EMSY: variants seen among roughly 807,000 people sequenced by gnomAD.
The protein encoded by EMSY is BRCA2-interacting transcriptional repressor EMSY.
EMSY carries 26 observed loss-of-function variants against 134.6 expected under a neutral mutation model. That is an observed-to-expected ratio of 0.19 (90% CI 0.14 to 0.27). The LOEUF (loss-of-function observed/expected upper bound fraction) is 0.27. Ranked by LOEUF, EMSY falls within the 10% of genes least tolerant of loss-of-function variation. EMSY has a pLI of 1.00. For missense variants in EMSY, 1,305 were observed against 1,611.4 expected (o/e 0.81, Z 3.26); for synonymous variants, 579 against 577.8 (o/e 1.00, Z -0.03).
At chr11:76,477,442 C>T (rs188698413) in intron 8 of EMSY, among the ~76,000 whole-genome samples, 47 of 151,884 alleles carry the variant, frequency 3.1e-4, no homozygotes, top group Admixed American at 8.5e-4. Flanking sequence ...CTGTTCTGTC[C>T]TCCCTGATAG....
intron 8 of EMSY, among the ~76,000 whole-genome samples, chr11:76,495,129 G>T (rs895950721): frequency 2.0e-5 from 3 of 152,196 alleles, no homozygotes; most frequent in Non-Finnish European, 4.4e-5. Flanking sequence ...AACAAGTGAG[G>T]ATGCTGAGGT....
intron 11 of EMSY, among the ~76,000 whole-genome samples, chr11:76,518,678 TGC>T (rs1950534994): frequency 7.7e-6 from 1 of 130,676 alleles, no homozygotes; most frequent in Non-Finnish European, 1.6e-5. Flanking sequence ...AGTGTGTGTG[TGC>T]GCGCATATAT....
chr11:76,456,370 G>A (rs1947873052), intron 4 of EMSY, among the ~76,000 whole-genome samples: 1 of 152,096 alleles, frequency 6.6e-6, no homozygotes, highest in African/African-American at 2.4e-5. Context: ...CTTTTCAGTA[G>A]CATATGTTCA....
At chr11:76,544,029 G>A (rs530375191) in intron 18 of EMSY, among the ~76,000 whole-genome samples, 1 of 152,254 alleles carries the variant, frequency 6.6e-6, no homozygotes, top group Non-Finnish European at 1.5e-5. Context: ...GTAAGTTCTG[G>A]ACCCTCTAAG....
At chr11:76,481,637 C>G (rs187399932) in intron 8 of EMSY, among the ~76,000 whole-genome samples, 2 of 152,222 alleles carry the variant, frequency 1.3e-5, no homozygotes, top group Admixed American at 6.5e-5. Context: ...CCAGGAAGTT[C>G]GAACTGGGCG....
chr11:76,549,565 G>A (rs1230035664), intron 20 of EMSY, among the ~76,000 whole-genome samples: 2 of 152,086 alleles, frequency 1.3e-5, no homozygotes, highest in Non-Finnish European at 2.9e-5. Flanking sequence ...CTTGAATTAG[G>A]CAATAGATTT....
chr11:76,546,971 T>C (rs1951676634), intron 20 of EMSY: 2 of 416,354 alleles, frequency 4.8e-6, no homozygotes, highest in South Asian at 3.6e-5. Flanking sequence ...TCATTGATAA[T>C]AGATGGTACC....
intron 8 of EMSY, among the ~76,000 whole-genome samples, chr11:76,476,857 G>C (rs1216972801): frequency 6.6e-6 from 1 of 152,090 alleles, no homozygotes; most frequent in African/African-American, 2.4e-5. Context: ...CATTACTACT[G>C]TATTGGTCAT....
At chr11:76,492,298 A>G (rs1949454761) in intron 8 of EMSY, among the ~76,000 whole-genome samples, 1 of 151,992 alleles carries the variant, frequency 6.6e-6, no homozygotes, top group East Asian at 1.9e-4. Flanking sequence ...ACATGGTGAA[A>G]CCTCTACTCG....
Position 76,451,856 on chromosome 11 carries a change from A to G in EMSY, c.71-2A>G. ...CTTGATAAAATAATTTTCTTCTTTTAGAATTGGAGGCATATGCTGGAGTTA... is the reference window on the plus strand; with the variant it reads ...CTTGATAAAATAATTTTCTTCTTTTGGAATTGGAGGCATATGCTGGAGTTA... On this transcript the variant is annotated splice_acceptor_variant, in intron 2 of 20. Transcript: ENST00000334736. LOFTEE classifies it high-confidence loss of function. 1 of 1,553,246 alleles carries G rather than the reference A, an allele frequency of 6.4e-7. No homozygotes were observed. Among genetic ancestry groups the G allele is most frequent in the Non-Finnish European group, 8.6e-7 (1 of 1,156,134 alleles).
rs1948290153 is a variant in EMSY, at chr11:76,464,959, A to G, written c.831+879A>G. On this transcript the variant is annotated intron_variant, in intron 7 of 20. Coordinates refer to ENST00000334736, the Ensembl canonical transcript of EMSY. Reference sequence around the variant, plus strand: ...TTCCATTATTGATTTTGGGAAGTCCAGTACCATTCTAATTTCAGATACTGT... The same window carrying G: ...TTCCATTATTGATTTTGGGAAGTCCGGTACCATTCTAATTTCAGATACTGT... Among the ~76,000 whole-genome samples the G allele has an allele frequency of 3.3e-5, 5 of 152,202 alleles. No homozygotes were observed. The South Asian group carries it at 1.0e-3, about 31-fold the overall frequency.
At chr11:76,494,246 G>A (rs1450716570) in intron 8 of EMSY, among the ~76,000 whole-genome samples, 1 of 152,234 alleles carries the variant, frequency 6.6e-6, no homozygotes, top group Admixed American at 6.5e-5. Flanking sequence ...AGCCCAGTGG[G>A]CAAGCAATAC....
At chr11:76,535,832 T>TTG (rs2136531467) in intron 14 of EMSY, 63 bp from the exon 16 acceptor site, 1 of 1,188,928 alleles carries the variant, frequency 8.4e-7, no homozygotes, top group Non-Finnish European at 1.1e-6. Flanking sequence ...AATTGTTTGT[T>TTG]TTTTTTTTTT....
rs1300858765 is a variant in EMSY, at chr11:76,505,595, C to T, written c.1364-7791C>T. ...TATGGCGGCTGGGCACAGTGGCTCA[C>T]GCCTGTAATCCCAGCACCTTGGGAG... is the stretch of plus-strand genomic sequence containing the variant. On this transcript the variant is annotated intron_variant, in intron 9 of 20. Coordinates refer to ENST00000334736, the Ensembl canonical transcript of EMSY. Among the ~76,000 whole-genome samples the T allele has an allele frequency of 5.3e-5, 8 of 152,064 alleles. No homozygotes were observed. In the East Asian group the frequency reaches 5.8e-4, roughly 11 times the overall value.
chr11:76,445,429 G>A (rs1234768454), intron 1 of EMSY, among the ~76,000 whole-genome samples: 2 of 152,152 alleles, frequency 1.3e-5, no homozygotes, highest in Admixed American at 6.5e-5. Context: ...CGCGGGTGCC[G>A]GCCGGGACCC....
At chr11:76,486,748 C>T (rs1054908947) in intron 8 of EMSY, among the ~76,000 whole-genome samples, 4 of 152,052 alleles carry the variant, frequency 2.6e-5, no homozygotes, top group East Asian at 1.9e-4. Flanking sequence ...TAATGAGGCT[C>T]CAGTTACTCC....
At chr11:76,500,872 T>A (rs1949834030) in intron 9 of EMSY, among the ~76,000 whole-genome samples, 1 of 152,242 alleles carries the variant, frequency 6.6e-6, no homozygotes, top group African/African-American at 2.4e-5. Context: ...CAAATAACAA[T>A]AACAAATCCC....
rs183851829 is a variant in EMSY, at chr11:76,463,600, G to A, written c.572-221G>A. Among the ~76,000 whole-genome samples, 10 of 144,694 alleles carry A rather than the reference G, an allele frequency of 6.9e-5. No homozygotes were observed. The East Asian group carries it at 1.9e-3, about 27-fold the overall frequency. 94.9% of individuals were successfully genotyped at this position (144,694 alleles called of 152,430 possible). A position where few individuals can be genotyped will look rare whatever the true frequency, so the allele number is the denominator to read the frequency against. ...ATTGCGCCACTGCAGTCCGCAGTCCGGCCTGGGTGACAGAGCGAGACTCCG... is the reference window on the plus strand; with the variant it reads ...ATTGCGCCACTGCAGTCCGCAGTCCAGCCTGGGTGACAGAGCGAGACTCCG... On this transcript the variant is annotated intron_variant, in intron 6 of 20. Transcript: ENST00000334736.
intron 17 of EMSY, 163 bp from the exon 19 acceptor site, chr11:76,542,053 C>A: frequency 2.5e-6 from 2 of 807,678 alleles, no homozygotes; most frequent in Non-Finnish European, 4.1e-6. Context: ...TTCTTAGAGT[C>A]ACACAGCTCA....
Sources: allele counts gnomAD v4.1 joint callset (sites outside exome capture counted in the v4.1 genomes callset), GRCh38; gene constraint gnomAD v4.1.1; transcripts MANE v1.5; gene names NCBI Gene and HGNC (gene_info 2026-07-23, HGNC 2026-07-21).